Variants in EPHA5 observed in about 807,000 individuals in gnomAD.
EPHA5 encodes the protein ephrin type-A receptor 5.
Under a neutral mutation model 105.0 loss-of-function variants are expected in EPHA5, and 60 were observed. That is an observed-to-expected ratio of 0.57 (90% CI 0.46 to 0.71). EPHA5 has a LOEUF of 0.71. EPHA5 is among the 30% of genes least tolerant of loss of function. The pLI is 0.00. For missense variants in EPHA5, 1,218 were observed against 1,274.7 expected (o/e 0.96, Z 0.68); for synonymous variants, 513 against 449.1 (o/e 1.14, Z -1.80).
intron 3 of EPHA5, among the ~76,000 whole-genome samples, chr4:65,508,657 TA>T (rs1733305928): frequency 1.3e-5 from 2 of 152,130 alleles, no homozygotes; most frequent in Non-Finnish European, 2.9e-5. Flanking sequence ...AAGCAACAAT[TA>T]CAACAAAAAG....
At chr4:65,646,033 T>C (rs1293961896) in intron 1 of EPHA5, among the ~76,000 whole-genome samples, 1 of 152,182 alleles carries the variant, frequency 6.6e-6, no homozygotes, top group Non-Finnish European at 1.5e-5. Context: ...TAAATTAGGA[T>C]TTGATTCTCA....
intron 16 of EPHA5, among the ~76,000 whole-genome samples, chr4:65,325,459 G>C (rs904970599): frequency 2.2e-5 from 3 of 137,882 alleles, no homozygotes; most frequent in Non-Finnish European, 5.0e-5. Context: ...ATGGCAAGCA[G>C]CTACCCCCCC....
Position 65,482,411 on chromosome 4 carries a change from T to TA in EPHA5, c.1402+7965dup, listed in dbSNP as rs527519204. On this transcript the variant is annotated intron_variant, in intron 5 of 16. Coordinates refer to ENST00000613740, the MANE Select transcript of EPHA5 (RefSeq NM_001281766.3). ...ATGATGAGCACAACAATGCTATCTT[T>TA]AAAAAAACTCTATAATTTATATTTT... is the stretch of plus-strand genomic sequence containing the variant. 2.6e-3 allele frequency among the ~76,000 whole-genome samples: 393 copies of TA among 152,226 alleles called. 1 individual carries two copies. Among genetic ancestry groups the TA allele is most frequent in the Non-Finnish European group, 4.5e-3 (304 of 68,014 alleles).
Position 65,351,557 on chromosome 4 carries a change from C to T in EPHA5, c.2277G>A (p.Met759Ile), listed in dbSNP as rs2148855590. Residue 759 changes from methionine (M) to isoleucine (I), a missense_variant, in exon 13 of 17, where the codon ATG (methionine) becomes ATA (isoleucine). Met to Ile is a conservative substitution (Grantham distance 10). Coordinates refer to ENST00000613740, the MANE Select transcript of EPHA5 (RefSeq NM_001281766.3). ...TCATTCCTGCAGAGATACCTCTCAGCATGCCAACAAGCTGAATCACAGTGA... is the reference window on the plus strand; with the variant it reads ...TCATTCCTGCAGAGATACCTCTCAGTATGCCAACAAGCTGAATCACAGTGA... ...GQFTVIQLVG[M>I]LRGISAGMKY... 1 of 1,613,684 alleles carries T rather than the reference C, an allele frequency of 6.2e-7. No individual in the cohort carries two copies. The highest frequency in any genetic ancestry group is 8.5e-7 in the Non-Finnish European group (1 of 1,179,760).
At chr4:65,563,933 C>T (rs934524428) in intron 3 of EPHA5, among the ~76,000 whole-genome samples, 1 of 151,902 alleles carries the variant, frequency 6.6e-6, no homozygotes, top group African/African-American at 2.4e-5. Flanking sequence ...AGTACTATAA[C>T]ATATTCCACA....
chr4:65,493,720 TA>T (rs1028929454), intron 4 of EPHA5, among the ~76,000 whole-genome samples: 1 of 152,026 alleles, frequency 6.6e-6, no homozygotes, highest in African/African-American at 2.4e-5. Context: ...GCTTTGGTCC[TA>T]AAAAAGTGCT....
intron 3 of EPHA5, among the ~76,000 whole-genome samples, chr4:65,535,878 T>C (rs759804983): frequency 6.6e-5 from 10 of 152,014 alleles, no homozygotes; most frequent in Non-Finnish European, 1.0e-4. Flanking sequence ...GTCTAATTAA[T>C]ATTATTATTT....
chr4:65,348,166 G>A lies in EPHA5; in HGVS notation c.2483C>T (p.Ala828Val), dbSNP rs1722402951. The part of the protein sequence containing the change: ...KIPIRWTAPE[A>V]IAFRKFTSAS... ...AGAAGTAAACTTTCGGAAAGCTATT[G>A]CTTCTGGGGCAGTCCATCTGATTGG... is the stretch of plus-strand genomic sequence containing the variant. Residue 828 changes from alanine to valine, a missense_variant, in exon 14 of 17, where the codon GCA becomes GTA. By Grantham distance (64) the Ala-to-Val change is moderately conservative (BLOSUM62 0). This residue lies in a region of EPHA5 where 971 missense variants were observed against 1,013.5 expected (regional missense o/e 0.96). Coordinates refer to ENST00000613740, the MANE Select transcript of EPHA5 (RefSeq NM_001281766.3). The A allele has an allele frequency of 1.2e-6, 2 of 1,613,324 alleles. No homozygotes were observed. Among genetic ancestry groups the A allele is most frequent in the Non-Finnish European group, 1.7e-6 (2 of 1,179,740 alleles).
At chr4:65,616,345 T>C (rs1010842184) in intron 2 of EPHA5, among the ~76,000 whole-genome samples, 3 of 151,704 alleles carry the variant, frequency 2.0e-5, no homozygotes, top group African/African-American at 7.3e-5. Context: ...ATGAAAGATC[T>C]TGTGGCATTG....
chr4:65,651,396 C>A (rs1027707442), intron 1 of EPHA5, among the ~76,000 whole-genome samples: 11 of 152,192 alleles, frequency 7.2e-5, no homozygotes, highest in African/African-American at 2.7e-4. Flanking sequence ...CTAACTGATA[C>A]AACTTGTAAG....
chr4:65,615,456 T>C (rs1419308784), intron 2 of EPHA5, among the ~76,000 whole-genome samples: 1 of 151,690 alleles, frequency 6.6e-6, no homozygotes, highest in East Asian at 1.9e-4. Context: ...ACACCACAGA[T>C]GAAACAATGA....
At chr4:65,348,761 GTA>G (rs933969822) in intron 13 of EPHA5, among the ~76,000 whole-genome samples, 6 of 119,916 alleles carry the variant, frequency 5.0e-5, no homozygotes, top group African/African-American at 1.8e-4. Flanking sequence ...ATATATATGT[GTA>G]TATATATGTG....
chr4:65,512,589 G>C (rs1474671173), intron 3 of EPHA5, among the ~76,000 whole-genome samples: 1 of 152,092 alleles, frequency 6.6e-6, no homozygotes, highest in East Asian at 1.9e-4. Context: ...GCCATCTGAA[G>C]TGCCGGCTTC....
intron 8 of EPHA5, among the ~76,000 whole-genome samples, chr4:65,382,795 T>A (rs1187946893): frequency 6.6e-6 from 1 of 151,690 alleles, no homozygotes; most frequent in Non-Finnish European, 1.5e-5. Flanking sequence ...CTAAATTTTC[T>A]CCAGGTTGAG....
chr4:65,466,542 T>C (rs1728735452), intron 5 of EPHA5, among the ~76,000 whole-genome samples: 1 of 152,080 alleles, frequency 6.6e-6, no homozygotes, highest in African/African-American at 2.4e-5. Context: ...AAAAATAAAC[T>C]GTAGAGATCC....
intron 11 of EPHA5, among the ~76,000 whole-genome samples, chr4:65,362,876 A>G (rs1207740780): frequency 6.6e-6 from 1 of 151,624 alleles, no homozygotes; most frequent in Non-Finnish European, 1.5e-5. Context: ...TTAGCTAGAG[A>G]GCTGAAAAAT....
chr4:65,383,874 G>C (rs1159803851), intron 8 of EPHA5, among the ~76,000 whole-genome samples: 1 of 151,754 alleles, frequency 6.6e-6, no homozygotes, highest in Non-Finnish European at 1.5e-5. Context: ...TATATGATAT[G>C]AATCACGTAA....
intron 3 of EPHA5, among the ~76,000 whole-genome samples, chr4:65,539,273 A>C (rs1736592422): frequency 6.6e-6 from 1 of 151,702 alleles, no homozygotes; most frequent in Non-Finnish European, 1.5e-5. Flanking sequence ...AGCTAGAAGA[A>C]ATTTCTTAAG....
At chr4:65,473,447 T>G (rs1024552417) in intron 5 of EPHA5, among the ~76,000 whole-genome samples, 11 of 152,160 alleles carry the variant, frequency 7.2e-5, no homozygotes, top group Non-Finnish European at 1.5e-4. Context: ...CAGTTCTTCA[T>G]AGCTGGGAGG....
Sources: allele counts gnomAD v4.1 joint callset (sites outside exome capture counted in the v4.1 genomes callset), GRCh38; gene constraint gnomAD v4.1.1; regional missense constraint gnomAD v4.1.1; transcripts MANE v1.5; gene names NCBI Gene and HGNC (gene_info 2026-07-23, HGNC 2026-07-21).